The following FBXO25 variants were observed in gnomAD, a reference collection of about 807,000 sequenced individuals.
The protein encoded by FBXO25 is F-box only protein 25.
Under a neutral mutation model 51.9 loss-of-function variants are expected in FBXO25, and 45 were observed. The ratio of observed to expected loss-of-function variants is 0.87; its 90% confidence interval spans 0.68 to 1.11. FBXO25 has a LOEUF of 1.11. FBXO25 is among the 50% of genes most tolerant of loss of function. The probability of loss-of-function intolerance (pLI) is 0.00; values close to 1 mark genes in which losing one functional copy is unlikely to be tolerated. For synonymous variants in FBXO25, 199 were observed against 151.0 expected (o/e 1.32, Z -2.33); for missense variants, 507 against 428.5 (o/e 1.18, Z -1.62).
intron 5 of FBXO25, among the ~76,000 whole-genome samples, chr8:438,895 A>G (rs1014416446): frequency 6.6e-6 from 1 of 152,174 alleles, no homozygotes; most frequent in African/African-American, 2.4e-5. Flanking sequence ...GCCAGTGGCC[A>G]CGTGTTTAAG....
chr8:452,138 C>A (rs1195658881), intron 7 of FBXO25, among the ~76,000 whole-genome samples: 1 of 152,160 alleles, frequency 6.6e-6, no homozygotes, highest in East Asian at 1.9e-4. Context: ...TATCACAGCA[C>A]CCCAGTTTTC....
chr8:412,753 T>G (rs1796559783), intron 1 of FBXO25, among the ~76,000 whole-genome samples: 1 of 152,246 alleles, frequency 6.6e-6, no homozygotes, highest in Non-Finnish European at 1.5e-5. Context: ...AGAGAATACT[T>G]GTTTGGAATA....
chr8:470,356 T>G lies in FBXO25; in HGVS notation c.*1552T>G, dbSNP rs922147485. 2 of 152,122 alleles carry G rather than the reference T, an allele frequency of 1.3e-5. No individual in the cohort carries two copies. Among genetic ancestry groups the G allele is most frequent in the Admixed American group, 1.3e-4 (2 of 15,270 alleles). 9.4% of individuals were successfully genotyped at this position (152,122 alleles called of 1,614,324 possible). The stretch of plus-strand genomic sequence containing the variant: ...TCTAGATTGTTCATGAAAAAAAATT[T>G]TTTTGGAGTTTGTTTTTGAGACAGG... On this transcript the variant is annotated 3_prime_UTR_variant, in exon 10 of 10. Transcript: ENST00000350302.
At position 466,757 on chromosome 8, in the gene FBXO25, T is replaced by C. The variant is rs73669400; in HGVS notation, c.988-1958T>C. Among the ~76,000 whole-genome samples the C allele has an allele frequency of 8.2e-3, 1,255 of 152,292 alleles. 16 individuals are homozygous for C. Among genetic ancestry groups the C allele is most frequent in the African/African-American group, 0.029 (1,207 of 41,554 alleles). ...GTGGCTCTACTATATTGGAGTTCTT[T>C]TTTAACTTTTCTACCTGCCTTAGTC... On this transcript the variant is annotated intron_variant, in intron 9 of 9. Transcript: ENST00000350302.
chr8:454,286 T>C (rs540948282), intron 7 of FBXO25, among the ~76,000 whole-genome samples: 11 of 152,268 alleles, frequency 7.2e-5, no homozygotes, highest in Non-Finnish European at 1.2e-4. Flanking sequence ...TTTGAAGATA[T>C]GGCAGTGCTA....
chr8:455,714 C>T (rs976389582), intron 7 of FBXO25, among the ~76,000 whole-genome samples: 1 of 152,220 alleles, frequency 6.6e-6, no homozygotes, highest in Non-Finnish European at 1.5e-5. Context: ...GAAGCAGCAG[C>T]ATCGTTTCTT....
intron 8 of FBXO25, among the ~76,000 whole-genome samples, chr8:460,564 G>A (rs1799744293): frequency 6.6e-6 from 1 of 152,204 alleles, no homozygotes; most frequent in Non-Finnish European, 1.5e-5. Context: ...AGATAATATG[G>A]AAGGAAAAGT....
intron 5 of FBXO25, among the ~76,000 whole-genome samples, chr8:447,439 G>C (rs1488956271): frequency 6.6e-6 from 1 of 152,148 alleles, no homozygotes; most frequent in Non-Finnish European, 1.5e-5. Flanking sequence ...CTGTGAAGCA[G>C]GATGGAATCA....
At chr8:427,603 A>G (rs1014624486) in intron 2 of FBXO25, among the ~76,000 whole-genome samples, 1 of 148,694 alleles carries the variant, frequency 6.7e-6, no homozygotes, top group Non-Finnish European at 1.5e-5. Context: ...TCTGGAGGCC[A>G]GAAATCCAAA....
chr8:460,978 T>A (rs1799770829), intron 8 of FBXO25, among the ~76,000 whole-genome samples: 1 of 152,208 alleles, frequency 6.6e-6, no homozygotes, highest in Non-Finnish European at 1.5e-5. Context: ...TAAAACATGC[T>A]CATTGCAGCA....
At chr8:462,890 C>G (rs960187484) in intron 8 of FBXO25, 117 bp from the exon 9 acceptor site, 3 of 1,177,988 alleles carry the variant, frequency 2.5e-6, no homozygotes, top group Admixed American at 5.4e-5. Context: ...AACCCTAAAG[C>G]TATTGAAGTT....
At position 469,591 on chromosome 8, in the gene FBXO25, T is replaced by G. The variant is rs1800407976; in HGVS notation, c.*787T>G. ...CTATTGATTTAAACTTCATCAGTTT[T>G]GCATCCTACTGAGAAATGTTAGTGA... On this transcript the variant is annotated 3_prime_UTR_variant, in exon 10 of 10. Transcript: ENST00000350302. 6.6e-6 allele frequency: 1 copy of G among 152,272 alleles called. No homozygotes were observed. The highest frequency in any genetic ancestry group is 2.4e-5 in the African/African-American group (1 of 41,478). 9.4% of individuals were successfully genotyped at this position (152,272 alleles called of 1,614,324 possible). A position where few individuals can be genotyped will look rare whatever the true frequency, so the allele number is the denominator to read the frequency against.
chr8:469,536 T>G lies in FBXO25; in HGVS notation c.*732T>G, dbSNP rs1440947541. ...AAACTTCAATTGTGTTGAAACTACT[T>G]TAATAGACAAAGTAATAAATCATGT... On this transcript the variant is annotated 3_prime_UTR_variant, in exon 10 of 10. Transcript: ENST00000350302. 1 of 152,230 alleles carries G rather than the reference T, an allele frequency of 6.6e-6. No homozygotes were observed. The highest frequency in any genetic ancestry group is 1.5e-5 in the Non-Finnish European group (1 of 68,044). 9.4% of individuals were successfully genotyped at this position (152,230 alleles called of 1,614,324 possible).
At chr8:434,350 G>T (rs182262037) in intron 4 of FBXO25, among the ~76,000 whole-genome samples, 47 of 152,334 alleles carry the variant, frequency 3.1e-4, no homozygotes, top group Non-Finnish European at 5.7e-4. Context: ...GAAAGTGCCT[G>T]CTGCACCATC....
At chr8:467,609 G>A (rs1800257824) in intron 9 of FBXO25, 1 of 1,080,732 alleles carries the variant, frequency 9.3e-7, no homozygotes, top group African/African-American at 1.6e-5. Flanking sequence ...TAAATAATAT[G>A]AATCAAACCT....
intron 5 of FBXO25, among the ~76,000 whole-genome samples, chr8:437,891 A>C (rs115103654): frequency 0.081 from 12,366 of 152,170 alleles, 633 homozygotes; most frequent in African/African-American, 0.14. Context: ...TTGATTTTCC[A>C]TAATTTAGTC....
rs182824357 is a variant in FBXO25, at chr8:427,835, G to A, written c.135-3506G>A. On this transcript the variant is annotated intron_variant, in intron 2 of 9. Coordinates refer to ENST00000350302, the MANE Select transcript of FBXO25 (RefSeq NM_183420.2). The stretch of plus-strand genomic sequence containing the variant: ...CCCTTGATTAGCAATTTTAAAAACC[G>A]GAGGCTTACCGTAGCCTGTCTTATT... 8.3e-4 allele frequency among the ~76,000 whole-genome samples: 125 copies of A among 150,912 alleles called. 1 individual carries two copies. Among genetic ancestry groups the A allele is most frequent in the African/African-American group, 2.9e-3 (119 of 41,042 alleles).
At chr8:432,003 G>T (rs890813916) in intron 3 of FBXO25, among the ~76,000 whole-genome samples, 12 of 151,890 alleles carry the variant, frequency 7.9e-5, no homozygotes, top group African/African-American at 2.7e-4. Flanking sequence ...GGATACTATG[G>T]TTTTTTTTAT....
At chr8:432,344 T>A (rs1021389088) in intron 3 of FBXO25, among the ~76,000 whole-genome samples, 2 of 152,170 alleles carry the variant, frequency 1.3e-5, no homozygotes, top group African/African-American at 2.4e-5. Flanking sequence ...TTAAAACTTA[T>A]GAATGGTTTA....
Sources: allele counts gnomAD v4.1 joint callset (sites outside exome capture counted in the v4.1 genomes callset), GRCh38; gene constraint gnomAD v4.1.1; transcripts MANE v1.5; gene names NCBI Gene and HGNC (gene_info 2026-07-23, HGNC 2026-07-21).